The following MAPT variants were observed in gnomAD, a reference collection of about 807,000 sequenced individuals.
MAPT encodes microtubule associated protein tau, also known as microtubule-associated protein tau.
MAPT carries 34 observed loss-of-function variants against 67.9 expected under a neutral mutation model. The observed-to-expected ratio is 0.50, with a 90% confidence interval of 0.38 to 0.67. The LOEUF (loss-of-function observed/expected upper bound fraction) is 0.67, where lower values mean the gene tolerates loss of function less well. MAPT is among the 30% of genes least tolerant of loss of function. MAPT has a pLI of 0.00. For synonymous variants in MAPT, 456 were observed against 464.5 expected (o/e 0.98, Z 0.23); for missense variants, 881 against 1,115.2 (o/e 0.79, Z 2.99).
rs773067042 is a variant in MAPT at position 45,983,600 on chromosome 17, C to A, written c.1021C>A (p.Pro341Thr). 4 of 1,613,412 alleles carry A rather than the reference C, an allele frequency of 2.5e-6. No individual in the cohort carries two copies. In the Admixed American group the frequency reaches 6.7e-5, roughly 27 times the overall value. The change falls in exon 5 of 13, where the codon CCC (proline) becomes ACC (threonine). Residue 341 changes from proline to threonine, a missense_variant. Pro to Thr is a conservative substitution (Grantham distance 38, BLOSUM62 -1). This residue lies in a region of MAPT where 687 missense variants were observed against 766.1 expected (regional missense o/e 0.90). Transcript: ENST00000262410. ...AGGCTTCCCAGCGGAGGGTGCCATCCCCCTCCCTGTGGATTTCCTCTCCAA... is the reference window on the plus strand; with the variant it reads ...AGGCTTCCCAGCGGAGGGTGCCATCACCCTCCCTGTGGATTTCCTCTCCAA... Reference protein sequence around the residue: ...IPGFPAEGAIPLPVDFLSKVS... With the variant: ...IPGFPAEGAITLPVDFLSKVS...
intron 1 of MAPT, among the ~76,000 whole-genome samples, chr17:45,912,810 G>A (rs1408588631): frequency 6.6e-6 from 1 of 152,064 alleles, no homozygotes; most frequent in Non-Finnish European, 1.5e-5. Flanking sequence ...TATTTTATTT[G>A]GCCAACCTAG....
intron 1 of MAPT, among the ~76,000 whole-genome samples, chr17:45,956,426 C>T (rs1448130312): frequency 1.3e-5 from 2 of 151,992 alleles, no homozygotes; most frequent in African/African-American, 4.8e-5. Flanking sequence ...GCTGCTCTCT[C>T]TAGAACCCAT....
intron 1 of MAPT, among the ~76,000 whole-genome samples, chr17:45,959,150 G>C (rs1348535494): frequency 1.3e-5 from 2 of 152,072 alleles, no homozygotes; most frequent in Non-Finnish European, 2.9e-5. Context: ...GCACTTTTAG[G>C]TTCACAGTGA....
intron 1 of MAPT, among the ~76,000 whole-genome samples, chr17:45,950,872 A>G (rs2069001957): frequency 6.6e-6 from 1 of 152,184 alleles, no homozygotes; most frequent in Middle Eastern, 3.2e-3. Flanking sequence ...CATGTTGGCC[A>G]GGCTGGTCTC....
rs772396299 is a variant in MAPT, at chr17:46,024,100, A to G, written c.2431A>G (p.Met811Val). ...SNVSSTGSID[M>V]VDSPQLATLA... ...TGTCTCCTCCACCGGCAGCATCGACATGGTAGACTCGCCCCAGCTCGCCAC... is the reference window on the plus strand; with the variant it reads ...TGTCTCCTCCACCGGCAGCATCGACGTGGTAGACTCGCCCCAGCTCGCCAC... Residue 811 changes from methionine (M) to valine (V), a missense_variant, in exon 13 of 13, where the codon ATG (methionine) becomes GTG (valine). Physicochemically the swap from Met to Val is conservative, Grantham distance 21. Transcript: ENST00000262410. 3 of 1,614,154 alleles carry G rather than the reference A, an allele frequency of 1.9e-6. No individual in the cohort carries two copies. Among genetic ancestry groups the G allele is most frequent in the South Asian group, 1.1e-5 (1 of 91,092 alleles).
At chr17:45,993,885 C>T in intron 8 of MAPT, 1 of 1,550,790 alleles carries the variant, frequency 6.4e-7, no homozygotes, top group Non-Finnish European at 8.7e-7. Flanking sequence ...CTGTTTAAGC[C>T]TGATGATAAT....
intron 1 of MAPT, among the ~76,000 whole-genome samples, chr17:45,949,313 G>A (rs2068824362): frequency 1.3e-5 from 2 of 152,258 alleles, no homozygotes; most frequent in African/African-American, 4.8e-5. Context: ...ATTTAGACTG[G>A]AAGCTCGGTC....
chr17:45,961,401 G>A (rs1292144051), intron 1 of MAPT, among the ~76,000 whole-genome samples: 1 of 152,170 alleles, frequency 6.6e-6, no homozygotes, highest in East Asian at 1.9e-4. Context: ...AGCCCACCAG[G>A]AGAGCCACCG....
intron 1 of MAPT, among the ~76,000 whole-genome samples, chr17:45,903,113 A>T (rs2063725883): frequency 6.6e-6 from 1 of 152,162 alleles, no homozygotes; most frequent in Non-Finnish European, 1.5e-5. Context: ...ATTGCTTGTC[A>T]TGTGCTCTAC....
At chr17:45,949,653 C>T (rs2068860172) in intron 1 of MAPT, among the ~76,000 whole-genome samples, 1 of 152,126 alleles carries the variant, frequency 6.6e-6, no homozygotes, top group Admixed American at 6.5e-5. Context: ...TGTGAAGCCC[C>T]TGTGAGTGGC....
intron 1 of MAPT, among the ~76,000 whole-genome samples, chr17:45,914,303 G>A (rs761631038): frequency 7.5e-6 from 1 of 132,548 alleles, no homozygotes; most frequent in Non-Finnish European, 1.8e-5. Flanking sequence ...CCCTTTGACA[G>A]CACCTCAGCT....
At chr17:45,988,406 C>T (rs562726325) in intron 6 of MAPT, among the ~76,000 whole-genome samples, 1 of 152,176 alleles carries the variant, frequency 6.6e-6, no homozygotes, top group Non-Finnish European at 1.5e-5. Flanking sequence ...CCAAACACCC[C>T]CTTCTCCTCC....
chr17:45,970,079 T>TCCAC (rs1466820578), intron 2 of MAPT, among the ~76,000 whole-genome samples: 1 of 143,212 alleles, frequency 7.0e-6, no homozygotes, highest in African/African-American at 2.7e-5. Context: ...CATTCATCTA[T>TCCAC]CCACCCATCC....
chr17:45,926,996 T>C (rs1196079662), intron 1 of MAPT, among the ~76,000 whole-genome samples: 4 of 151,538 alleles, frequency 2.6e-5, no homozygotes, highest in Non-Finnish European at 2.9e-5. Context: ...TACACACACA[T>C]ACACATATAT....
chr17:45,897,259 A>G lies in MAPT; in HGVS notation c.-18+2573A>G, dbSNP rs957126035. 6.6e-6 allele frequency: 1 copy of G among 152,260 alleles called. No homozygotes were observed. Among genetic ancestry groups the G allele is most frequent in the Non-Finnish European group, 1.5e-5 (1 of 68,070 alleles). 9.4% of individuals were successfully genotyped at this position (152,260 alleles called of 1,614,324 possible). Reference sequence around the variant, plus strand: ...GGGGAGCCCGCGGCCACGGCTACGTATTGCCATCTCGCGAGCAGAGATGTC... The same window carrying G: ...GGGGAGCCCGCGGCCACGGCTACGTGTTGCCATCTCGCGAGCAGAGATGTC... On this transcript the variant is annotated intron_variant, in intron 1 of 12. Transcript: ENST00000262410. This position sits in a 1 kb window ranked among gnomAD's most constrained non-coding sequence, Gnocchi z 5.0.
At chr17:45,908,014 G>A (rs1264917113) in intron 1 of MAPT, 1 of 152,246 alleles carries the variant, frequency 6.6e-6, no homozygotes, top group East Asian at 1.9e-4. Context: ...AGTCGTGCAG[G>A]AGCCAAAAGA....
intron 9 of MAPT, among the ~76,000 whole-genome samples, chr17:46,002,497 AG>A (rs1224665188): frequency 6.6e-6 from 1 of 151,520 alleles, no homozygotes; most frequent in Non-Finnish European, 1.5e-5. Flanking sequence ...TGCCCAGGGA[AG>A]GGCCCAGGGG....
At chr17:46,003,061 G>A (rs1245197914) in intron 9 of MAPT, among the ~76,000 whole-genome samples, 1 of 151,424 alleles carries the variant, frequency 6.6e-6, no homozygotes, top group Non-Finnish European at 1.5e-5. Context: ...TGGGATTACA[G>A]GTGTGAGCCA....
chr17:45,995,228 C>A lies in MAPT; in HGVS notation c.1733-1171C>A, dbSNP rs2145816096. Among the ~76,000 whole-genome samples, 1 of 152,306 alleles carries A rather than the reference C, an allele frequency of 6.6e-6. No homozygotes were observed. Among genetic ancestry groups the A allele is most frequent in the South Asian group, 2.1e-4 (1 of 4,824 alleles). The stretch of plus-strand genomic sequence containing the variant: ...GCGGCAGGGGCATTGCTGCGGGAAG[C>A]TTCTGGACTTGCAGGAAAGCTAAGT... On this transcript the variant is annotated intron_variant, in intron 8 of 12. Coordinates refer to ENST00000262410, the MANE Select transcript of MAPT (RefSeq NM_001377265.1). The surrounding 1 kb of genome is among the most constrained non-coding windows in gnomAD (Gnocchi z 4.3).
Sources: allele counts gnomAD v4.1 joint callset (sites outside exome capture counted in the v4.1 genomes callset), GRCh38; gene constraint gnomAD v4.1.1; regional missense constraint gnomAD v4.1.1; non-coding constraint Gnocchi (gnomAD v3.1); transcripts MANE v1.5; gene names NCBI Gene and HGNC (gene_info 2026-07-23, HGNC 2026-07-21).